SCAF4: variants seen among roughly 807,000 people sequenced by gnomAD.
SCAF4 encodes the protein SR-related and CTD-associated factor 4.
SCAF4 carries 25 observed loss-of-function variants against 129.8 expected under a neutral mutation model. The ratio of observed to expected loss-of-function variants is 0.19; its 90% CI spans 0.14 to 0.27. The LOEUF (loss-of-function observed/expected upper bound fraction) is 0.27. Ranked by LOEUF, SCAF4 falls within the 10% of genes least tolerant of loss-of-function variation. SCAF4 has a pLI of 1.00. For missense variants in SCAF4, 1,246 were observed against 1,457.1 expected, an observed-to-expected ratio of 0.86 and a Z score of 2.36; for synonymous variants, 551 against 497.7, an observed-to-expected ratio of 1.11 and a Z score of -1.43.
intron 19 of SCAF4, among the ~76,000 whole-genome samples, chr21:31,679,747 A>T (rs1224404282): frequency 6.6e-6 from 1 of 151,340 alleles, no homozygotes; most frequent in African/African-American, 2.4e-5. Flanking sequence ...TGAAAAACAG[A>T]ATTATAAGTG....
At chr21:31,723,741 A>T (rs2051136153) in intron 1 of SCAF4, among the ~76,000 whole-genome samples, 2 of 152,100 alleles carry the variant, frequency 1.3e-5, no homozygotes, top group African/African-American at 2.4e-5. Flanking sequence ...GGTGTGTTTT[A>T]AAAAAATCTG....
At chr21:31,709,598 T>C (rs774068444) in intron 1 of SCAF4, among the ~76,000 whole-genome samples, 4 of 152,038 alleles carry the variant, frequency 2.6e-5, no homozygotes, top group Non-Finnish European at 5.9e-5. Context: ...ATTTAAAAAA[T>C]TAAAAGTAAA....
intron 16 of SCAF4, 81 bp downstream of exon 16, chr21:31,688,226 A>G: frequency 7.2e-7 from 1 of 1,393,462 alleles, no homozygotes; most frequent in Non-Finnish European, 9.7e-7. Flanking sequence ...TTTACTATGA[A>G]TCCAGACATA....
chr21:31,729,019 A>G (rs2051278907), intron 1 of SCAF4, among the ~76,000 whole-genome samples: 1 of 151,974 alleles, frequency 6.6e-6, no homozygotes, highest in African/African-American at 2.4e-5. Context: ...CTCCATTCCC[A>G]CTATACACTT....
chr21:31,731,290 T>C (rs1052483295), intron 1 of SCAF4, among the ~76,000 whole-genome samples: 2 of 152,158 alleles, frequency 1.3e-5, no homozygotes, highest in Non-Finnish European at 2.9e-5. Context: ...CTTAGCCCTT[T>C]GCGGGCTCCC....
rs1382050912 is a variant in SCAF4 at position 31,717,900 on chromosome 21, TATATAC to T, written c.31-11549_31-11544del. 2.4e-3 allele frequency among the ~76,000 whole-genome samples: 189 copies of T among 78,640 alleles called. 5 individuals are homozygous for T. The highest frequency in any genetic ancestry group is 7.4e-3 in the African/African-American group (164 of 22,154). The allele number at this position is 78,640 out of a possible 152,430, so 51.6% of individuals were successfully genotyped here. On this transcript the variant is annotated intron_variant, in intron 1 of 19. Transcript: ENST00000286835. Reference sequence around the variant, plus strand: ...ACACATATATACACATATATACACATATATACACACACACACACACACACACACACA... The same window carrying T: ...ACACATATATACACATATATACACATACACACACACACACACACACACACA...
chr21:31,700,821 A>G (rs760265873), intron 7 of SCAF4, 174 bp downstream of exon 7: 33 of 759,330 alleles, frequency 4.3e-5, no homozygotes, highest in South Asian at 1.4e-4. Flanking sequence ...CACTGAGCAC[A>G]TATCACATTT....
In SCAF4 at chr21:31,696,605, G is replaced by C. The variant is rs774206205; in HGVS notation, c.923C>G (p.Pro308Arg). ...TGGAGGAGGAGGAGAGGCAGCAGCG[G>C]GTGCAGCAGCAGCAGGCACGGTGGC... is the stretch of plus-strand genomic sequence containing the variant. Reference protein sequence around the residue: ...PTATVPAAAAPAAASPPPPQA... With the variant: ...PTATVPAAAARAAASPPPPQA... Residue 308 changes from proline to arginine, a missense_variant, in exon 8 of 20, where the codon CCC becomes CGC. Coordinates refer to ENST00000286835, the MANE Select transcript of SCAF4 (RefSeq NM_020706.2). The C allele has an allele frequency of 3.2e-5, 51 of 1,612,478 alleles. No individual in the cohort carries two copies. Among genetic ancestry groups the C allele is most frequent in the Non-Finnish European group, 4.3e-5 (51 of 1,179,000 alleles).
At chr21:31,708,331 G>C (rs1425923552) in intron 1 of SCAF4, among the ~76,000 whole-genome samples, 1 of 150,884 alleles carries the variant, frequency 6.6e-6, no homozygotes, top group Non-Finnish European at 1.5e-5. Context: ...AGTAAGCCAA[G>C]ATCGCGCCAC....
At chr21:31,682,294 G>A (rs2050014665) in intron 19 of SCAF4, among the ~76,000 whole-genome samples, 1 of 151,792 alleles carries the variant, frequency 6.6e-6, no homozygotes, top group Admixed American at 6.6e-5. Flanking sequence ...CACGAGAATC[G>A]CTTGAACTTG....
chr21:31,691,971 T>A, intron 13 of SCAF4, 41 bp from the exon 14 acceptor site: 1 of 1,108,774 alleles, frequency 9.0e-7, no homozygotes, highest in Non-Finnish European at 1.3e-6. Context: ...ATAACAAAAT[T>A]GAAAAGCAAC....
intron 12 of SCAF4, among the ~76,000 whole-genome samples, chr21:31,692,919 C>T (rs551134883): frequency 1.3e-5 from 2 of 152,322 alleles, no homozygotes; most frequent in East Asian, 1.9e-4. Context: ...AGAAATCTTA[C>T]ATATGCCCTA....
intron 19 of SCAF4, among the ~76,000 whole-genome samples, chr21:31,680,302 G>A (rs1327630622): frequency 6.6e-6 from 1 of 152,198 alleles, no homozygotes; most frequent in Non-Finnish European, 1.5e-5. Context: ...GTGTGTTCAT[G>A]TGTAAATTCA....
chr21:31,715,473 A>G (rs1279554892), intron 1 of SCAF4, among the ~76,000 whole-genome samples: 1 of 152,112 alleles, frequency 6.6e-6, no homozygotes, highest in Non-Finnish European at 1.5e-5. Context: ...GGCATTATTT[A>G]TTACCTAAAA....
At chr21:31,692,272 G>C in intron 13 of SCAF4, 77 bp downstream of exon 13, 1 of 1,134,434 alleles carries the variant, frequency 8.8e-7, no homozygotes, top group Non-Finnish European at 1.3e-6. Flanking sequence ...TGTAACTTTG[G>C]TCTCAGGTCC....
chr21:31,703,943 G>A lies in SCAF4; in HGVS notation c.160-17C>T, dbSNP rs748421759. On this transcript the variant is annotated splice_polypyrimidine_tract_variant and intron_variant, in intron 3 of 19. Transcript: ENST00000286835. ...TGGTTTACACTGCAAGGATAAAGATGTAAGATCAGTACAGAAAAAGCAAAG... is the reference window on the plus strand; with the variant it reads ...TGGTTTACACTGCAAGGATAAAGATATAAGATCAGTACAGAAAAAGCAAAG... 2.0e-6 allele frequency: 3 copies of A among 1,492,144 alleles called. No homozygotes were observed. Among genetic ancestry groups the A allele is most frequent in the African/African-American group, 2.7e-5 (2 of 73,418 alleles). The allele number at this position is 1,492,144 out of a possible 1,614,324, so 92.4% of individuals were successfully genotyped here.
intron 19 of SCAF4, among the ~76,000 whole-genome samples, chr21:31,673,153 A>G (rs182134118): frequency 1.1e-3 from 160 of 152,270 alleles, no homozygotes; most frequent in Non-Finnish European, 1.5e-4. Flanking sequence ...TTATTTTCCT[A>G]TCTACATGAG....
intron 14 of SCAF4, 94 bp from the exon 15 acceptor site, chr21:31,691,047 G>C: frequency 9.9e-7 from 1 of 1,011,612 alleles, no homozygotes; most frequent in Non-Finnish European, 1.4e-6. Flanking sequence ...ATTCCGACTC[G>C]GGCACCAAGG....
rs1199681479 is a variant in SCAF4 at position 31,696,241 on chromosome 21, C to T, written c.960-20G>A. 1.3e-6 allele frequency: 2 copies of T among 1,586,480 alleles called. No individual in the cohort carries two copies. The highest frequency in any genetic ancestry group is 3.3e-5 in the Admixed American group (2 of 59,710). On this transcript the variant is annotated intron_variant, in intron 8 of 19. Transcript: ENST00000286835. ...AAGCCACTAAAAAAAGGTGGATAAT[C>T]TTTTACCCATTCAAAAGCACAAGCT...
Sources: gnomAD v4.1 joint callset for allele counts (sites outside exome capture counted in the v4.1 genomes callset) on GRCh38, gnomAD v4.1.1 for gene constraint, MANE v1.5 for transcripts, NCBI Gene and HGNC (gene_info 2026-07-23, HGNC 2026-07-21) for gene names.